VSTM4: variants seen among roughly 807,000 people sequenced by gnomAD.
VSTM4 encodes V-set and transmembrane domain containing 4, also known as V-set and transmembrane domain-containing protein 4.
VSTM4 carries 20 observed loss-of-function variants against 36.4 expected under a neutral mutation model. The observed-to-expected ratio is 0.55, with a 90% CI of 0.39 to 0.80. The LOEUF (loss-of-function observed/expected upper bound fraction) is 0.80. Among genes scored for constraint, VSTM4 ranks in the 30% least tolerant of loss-of-function variants. The pLI, the probability that VSTM4 is intolerant of heterozygous loss-of-function variation, is 0.00. For missense variants in VSTM4, 392 were observed against 404.5 expected (o/e 0.97, Z 0.26); for synonymous variants, 182 against 173.9 (o/e 1.05, Z -0.37).
At chr10:49,064,375 T>C (rs1843934219) in intron 5 of VSTM4, 2 of 314,236 alleles carry the variant, frequency 6.4e-6, no homozygotes, top group South Asian at 4.2e-5. Context: ...GGGGTGTTTG[T>C]GGTCAAAATG....
chr10:49,041,800 G>A (rs896550478), intron 7 of VSTM4, among the ~76,000 whole-genome samples: 6 of 152,166 alleles, frequency 3.9e-5, no homozygotes, highest in African/African-American at 1.2e-4. Context: ...AAAGCTTGTA[G>A]GGGGCAATGA....
rs773841581 is a variant in VSTM4 at position 49,077,304 on chromosome 10, G to A, written c.549C>T (p.Leu183=). The A allele has an allele frequency of 1.4e-5, 23 of 1,614,048 alleles. No homozygotes were observed. Among genetic ancestry groups the A allele is most frequent in the Admixed American group, 3.3e-5 (2 of 60,002 alleles). ...TGCTGAGGATCCCCACGCAGCACAC[G>A]AGGACAGCATACACATAGAGATCTG... is the stretch of plus-strand genomic sequence containing the variant. ...FFEDLYVYAV[L]VCCVGILSIL... Residue 183 remains leucine, a synonymous_variant, in exon 4 of 8, where the codon CTC becomes CTT. Coordinates refer to ENST00000332853, the MANE Select transcript of VSTM4 (RefSeq NM_001031746.5).
At chr10:49,100,479 A>G (rs1160424888) in intron 2 of VSTM4, among the ~76,000 whole-genome samples, 2 of 152,244 alleles carry the variant, frequency 1.3e-5, no homozygotes, top group African/African-American at 4.8e-5. Context: ...GTGTCTGCAT[A>G]GCAGGAGATG....
At chr10:49,079,404 C>T (rs976984486) in intron 3 of VSTM4, among the ~76,000 whole-genome samples, 10 of 152,216 alleles carry the variant, frequency 6.6e-5, no homozygotes, top group Middle Eastern at 6.8e-3. Context: ...TAATAATCAA[C>T]GTTATCATTA....
chr10:49,056,209 G>A (rs565830164), intron 5 of VSTM4, among the ~76,000 whole-genome samples: 25 of 152,368 alleles, frequency 1.6e-4, no homozygotes, highest in African/African-American at 5.5e-4. Context: ...CTGCAGCCGC[G>A]AGGGAAGCTC....
chr10:49,055,767 C>T (rs1024751416), intron 5 of VSTM4, among the ~76,000 whole-genome samples: 9 of 152,222 alleles, frequency 5.9e-5, no homozygotes, highest in African/African-American at 2.2e-4. Context: ...CACAGGGACC[C>T]TTTGAAATGA....
intron 7 of VSTM4, among the ~76,000 whole-genome samples, chr10:49,036,902 T>C (rs1275547021): frequency 4.6e-5 from 7 of 152,334 alleles, no homozygotes; most frequent in African/African-American, 1.7e-4. Flanking sequence ...TCTGTCCATT[T>C]TGAGCATTCT....
At position 49,094,982 on chromosome 10, in the gene VSTM4, C is replaced by T. The variant is rs1441878168; in HGVS notation, c.458-8959G>A. On this transcript the variant is annotated intron_variant, in intron 2 of 7. Coordinates refer to ENST00000332853, the MANE Select transcript of VSTM4 (RefSeq NM_001031746.5). Reference sequence around the variant, plus strand: ...CCTGCAGGCAGCAGCCGATGAGAAACAATGAAACTCCAGCTTTGTCTAGCT... The same window carrying T: ...CCTGCAGGCAGCAGCCGATGAGAAATAATGAAACTCCAGCTTTGTCTAGCT... Among the ~76,000 whole-genome samples the T allele has an allele frequency of 2.6e-5, 4 of 152,140 alleles. No homozygotes were observed. In the East Asian group the frequency reaches 7.7e-4, roughly 29 times the overall value.
chr10:49,101,604 T>C (rs904819563), intron 2 of VSTM4, among the ~76,000 whole-genome samples: 1 of 152,236 alleles, frequency 6.6e-6, no homozygotes, highest in Non-Finnish European at 1.5e-5. Flanking sequence ...ATAATATTGA[T>C]TGTTAAAGAG....
intron 7 of VSTM4, among the ~76,000 whole-genome samples, chr10:49,021,059 G>A (rs755244367): frequency 1.6e-4 from 25 of 151,780 alleles, no homozygotes; most frequent in Non-Finnish European, 3.1e-4. Flanking sequence ...GAATGAAGTA[G>A]GTGTAGACAT....
chr10:49,073,971 C>T (rs926079616), intron 4 of VSTM4, among the ~76,000 whole-genome samples: 1 of 152,156 alleles, frequency 6.6e-6, no homozygotes, highest in African/African-American at 2.4e-5. Context: ...AAAACCCTAC[C>T]AACAGTTGGG....
chr10:49,088,656 A>T (rs1364922710), intron 2 of VSTM4, among the ~76,000 whole-genome samples: 1 of 152,254 alleles, frequency 6.6e-6, no homozygotes, highest in East Asian at 1.9e-4. Flanking sequence ...TCTGGGCCCC[A>T]CAAGGCCTGG....
At chr10:49,073,816 T>C (rs1182433192) in intron 4 of VSTM4, among the ~76,000 whole-genome samples, 1 of 152,200 alleles carries the variant, frequency 6.6e-6, no homozygotes, top group Non-Finnish European at 1.5e-5. Flanking sequence ...TTGACATTCA[T>C]GCAGAAAAGA....
At chr10:49,103,859 T>TCC in intron 2 of VSTM4, 1 of 1,613,480 alleles carries the variant, frequency 6.2e-7, no homozygotes. Context: ...GGCTGGAGAC[T>TCC]CCTGTTGAAA....
chr10:49,028,657 G>A (rs1186177825), intron 7 of VSTM4, among the ~76,000 whole-genome samples: 6 of 152,180 alleles, frequency 3.9e-5, no homozygotes, highest in Admixed American at 3.9e-4. Context: ...TACTAAGAGA[G>A]GTTTAGCATT....
At chr10:49,048,814 T>C (rs1164104810) in intron 5 of VSTM4, among the ~76,000 whole-genome samples, 2 of 152,166 alleles carry the variant, frequency 1.3e-5, no homozygotes, top group Admixed American at 6.5e-5. Context: ...TTGAGCCAGT[T>C]GGTGATTTAT....
chr10:49,105,062 AGG>A (rs1844746709), intron 2 of VSTM4, among the ~76,000 whole-genome samples: 1 of 150,930 alleles, frequency 6.6e-6, no homozygotes, highest in East Asian at 2.0e-4. Flanking sequence ...ACAGAGAGAG[AGG>A]GAGAGACAGA....
chr10:49,051,386 A>ATT (rs1344674779), intron 5 of VSTM4, among the ~76,000 whole-genome samples: 2 of 123,092 alleles, frequency 1.6e-5, no homozygotes, highest in Non-Finnish European at 3.5e-5. Flanking sequence ...TTGACAGCTC[A>ATT]TTTCTTTTTT....
intron 5 of VSTM4, among the ~76,000 whole-genome samples, chr10:49,060,983 G>T (rs573615363): frequency 6.6e-6 from 1 of 152,202 alleles, no homozygotes; most frequent in East Asian, 1.9e-4. Context: ...TAAATATAAG[G>T]ATTTATTTCT....
Sources: allele counts gnomAD v4.1 joint callset (sites outside exome capture counted in the v4.1 genomes callset), GRCh38; gene constraint gnomAD v4.1.1; transcripts MANE v1.5; gene names NCBI Gene and HGNC (gene_info 2026-07-23, HGNC 2026-07-21).